ACAD10: variants seen among roughly 807,000 people sequenced by gnomAD.
ACAD10 encodes the protein ACAD-10.
ACAD10 carries 112 observed loss-of-function variants against 116.8 expected under a neutral mutation model. That is an observed-to-expected ratio of 0.96 (90% confidence interval 0.82 to 1.12). ACAD10 has a LOEUF of 1.12. Among genes scored for constraint, ACAD10 ranks in the 50% most tolerant of loss-of-function variants. ACAD10 has a pLI of 0.00. For synonymous variants in ACAD10, 486 were observed against 510.6 expected (o/e 0.95, Z 0.65); for missense variants, 1,259 against 1,350.2 (o/e 0.93, Z 1.06).
At chr12:111,690,141 G>T (rs1349995370) in intron 1 of ACAD10, among the ~76,000 whole-genome samples, 1 of 152,158 alleles carries the variant, frequency 6.6e-6, no homozygotes, top group African/African-American at 2.4e-5. Flanking sequence ...CCTTTCTCTA[G>T]GTGCTTATAG....
rs561459390 is a variant in ACAD10, at chr12:111,747,172, A to G, written c.2380A>G (p.Met794Val). The G allele has an allele frequency of 8.7e-6, 14 of 1,610,922 alleles. No homozygotes were observed. In the Admixed American group the frequency reaches 1.0e-4, roughly 12 times the overall value. ...GGGGAAAGCCCGCTCCTGTTTTGCT[A>G]TGACCGAGCCCCAGGTACGTCGCCT... The part of the protein sequence containing the change: ...LEGKARSCFA[M>V]TEPQVASSDA... Residue 794 changes from methionine (M) to valine (V), a missense_variant, in exon 15 of 21, where the codon ATG becomes GTG. By Grantham distance (21) the Met-to-Val change is conservative. Transcript: ENST00000313698.
At chr12:111,693,226 A>G (rs1888106597) in intron 2 of ACAD10, 1 of 262,196 alleles carries the variant, frequency 3.8e-6, no homozygotes, top group African/African-American at 2.2e-5. Context: ...ATGAGCTGCC[A>G]TGAATGCTGT....
chr12:111,755,592 G>T (rs1470034575), intron 19 of ACAD10, 76 bp from the exon 20 acceptor site: 5 of 1,063,658 alleles, frequency 4.7e-6, no homozygotes, highest in Non-Finnish European at 7.2e-6. Context: ...TAGTAGAGAT[G>T]GGGGACGGGG....
chr12:111,704,013 T>C (rs990237196), intron 3 of ACAD10, among the ~76,000 whole-genome samples: 1 of 151,822 alleles, frequency 6.6e-6, no homozygotes, highest in Non-Finnish European at 1.5e-5. Context: ...TGGTGTATGA[T>C]TCCATCTGTG....
intron 7 of ACAD10, among the ~76,000 whole-genome samples, chr12:111,721,169 T>C (rs1183306718): frequency 6.6e-6 from 1 of 152,208 alleles, no homozygotes; most frequent in East Asian, 1.9e-4. Context: ...AATTTCACCA[T>C]TGGTTTTTTG....
At chr12:111,737,792 A>G (rs112043179) in intron 12 of ACAD10, among the ~76,000 whole-genome samples, 11 of 152,128 alleles carry the variant, frequency 7.2e-5, no homozygotes, top group African/African-American at 2.7e-4. Flanking sequence ...TCTGTGAAAT[A>G]TGTGTGTGAC....
chr12:111,755,735 G>T lies in ACAD10; in HGVS notation c.3029G>T (p.Arg1010Leu), dbSNP rs771262355. The part of the protein sequence containing the change: ...APSMASRVID[R>L]AIQAFGAAGL... ...TCCATGGCCTCCCGAGTGATTGATC[G>T]TGCGATTCAGGTGAGCACAGACCAG... Residue 1010 changes from arginine to leucine, a missense_variant, in exon 20 of 21, where the codon CGT (arginine) becomes CTT (leucine). Coordinates refer to ENST00000313698, the MANE Select transcript of ACAD10 (RefSeq NM_025247.6). The T allele has an allele frequency of 6.2e-7, 1 of 1,613,618 alleles. No homozygotes were observed.
chr12:111,720,368 T>C (rs1257570979), intron 7 of ACAD10, among the ~76,000 whole-genome samples: 5 of 152,230 alleles, frequency 3.3e-5, no homozygotes, highest in Admixed American at 3.3e-4. Flanking sequence ...ATTCTATCAT[T>C]ACTGAGAAAG....
intron 3 of ACAD10, among the ~76,000 whole-genome samples, chr12:111,704,659 A>G (rs1016550772): frequency 6.6e-6 from 1 of 151,530 alleles, no homozygotes; most frequent in Non-Finnish European, 1.5e-5. Flanking sequence ...GTGATAATAT[A>G]AGAGTTTTCT....
intron 11 of ACAD10, among the ~76,000 whole-genome samples, chr12:111,734,952 G>A (rs931795895): frequency 4.6e-5 from 7 of 151,930 alleles, no homozygotes; most frequent in Non-Finnish European, 8.8e-5. Context: ...GGCCGGGCGC[G>A]GTGGCCCACG....
At chr12:111,701,557 TG>T (rs1365841149) in intron 2 of ACAD10, among the ~76,000 whole-genome samples, 1 of 152,070 alleles carries the variant, frequency 6.6e-6, no homozygotes, top group Admixed American at 6.6e-5. Context: ...CTCAGCTACC[TG>T]GGGGGCTGAG....
At chr12:111,724,631 C>T (rs1229614140) in intron 8 of ACAD10, among the ~76,000 whole-genome samples, 5 of 152,200 alleles carry the variant, frequency 3.3e-5, no homozygotes, top group Non-Finnish European at 5.9e-5. Flanking sequence ...AGCGAAACCC[C>T]GTCTCCACCA....
At chr12:111,700,307 T>C (rs776457610) in intron 2 of ACAD10, among the ~76,000 whole-genome samples, 95 of 152,266 alleles carry the variant, frequency 6.2e-4, no homozygotes, top group African/African-American at 2.1e-3. Flanking sequence ...ATAATTGATG[T>C]AATAAACACC....
intron 19 of ACAD10, among the ~76,000 whole-genome samples, chr12:111,754,973 G>A (rs1308847456): frequency 2.6e-5 from 4 of 152,222 alleles, no homozygotes; most frequent in Non-Finnish European, 5.9e-5. Flanking sequence ...CACCAGGCAG[G>A]GGCAGCCTCA....
At chr12:111,724,206 C>T (rs1398502095) in intron 8 of ACAD10, among the ~76,000 whole-genome samples, 6 of 149,000 alleles carry the variant, frequency 4.0e-5, no homozygotes, top group African/African-American at 1.5e-4. Context: ...AGAGACGCTC[C>T]TCACTTCCTA....
chr12:111,723,813 C>G (rs1398836864), intron 8 of ACAD10, among the ~76,000 whole-genome samples: 5 of 148,778 alleles, frequency 3.4e-5, no homozygotes, highest in East Asian at 2.0e-4. Flanking sequence ...GGGCGGAGGG[C>G]CTCCTCACTT....
At chr12:111,741,125 T>C (rs536261282) in intron 12 of ACAD10, among the ~76,000 whole-genome samples, 1 of 152,338 alleles carries the variant, frequency 6.6e-6, no homozygotes, top group East Asian at 1.9e-4. Flanking sequence ...AGAGAATTTC[T>C]AGTTTAACTG....
At chr12:111,696,249 T>G (rs891955738) in intron 2 of ACAD10, among the ~76,000 whole-genome samples, 1 of 151,908 alleles carries the variant, frequency 6.6e-6, no homozygotes, top group African/African-American at 2.4e-5. Flanking sequence ...GATGGGGTCT[T>G]GCTATGTTTC....
chr12:111,692,851 G>C lies in ACAD10; in HGVS notation c.142G>C (p.Asp48His). The C allele has an allele frequency of 6.2e-7, 1 of 1,614,168 alleles. No individual in the cohort carries two copies. Among genetic ancestry groups the C allele is most frequent in the East Asian group, 2.2e-5 (1 of 44,884 alleles). ...CAGCACCTACAGAGCGGTGATTTTC[G>C]ACATGGGCGGAGTTCTCATTCCTTC... is the stretch of plus-strand genomic sequence containing the variant. The part of the protein sequence containing the change: ...GGSTYRAVIF[D>H]MGGVLIPSPG... Residue 48 changes from aspartate to histidine, a missense_variant, in exon 2 of 21, where the codon GAC (aspartate) becomes CAC (histidine). Asp to His is a moderately conservative substitution (Grantham distance 81). Transcript: ENST00000313698.
Sources: gnomAD v4.1 joint callset for allele counts (sites outside exome capture counted in the v4.1 genomes callset) on GRCh38, gnomAD v4.1.1 for gene constraint, MANE v1.5 for transcripts, NCBI Gene and HGNC (gene_info 2026-07-23, HGNC 2026-07-21) for gene names.